Variants in CCDC85A observed in about 807,000 individuals in gnomAD.
The protein encoded by CCDC85A is coiled-coil domain containing 85A.
A neutral mutation model predicts 50.2 loss-of-function variants in CCDC85A; 38 were observed. The ratio of observed to expected loss-of-function variants is 0.76; its 90% CI spans 0.58 to 0.99. The LOEUF (loss-of-function observed/expected upper bound fraction) is 0.99, where lower values mean the gene tolerates loss of function less well. Ranked by LOEUF, CCDC85A falls within the 50% of genes least tolerant of loss-of-function variation. CCDC85A has a pLI of 0.00. For synonymous variants in CCDC85A, 366 were observed against 301.4 expected, an observed-to-expected ratio of 1.21 and a Z score of -2.22; for missense variants, 820 against 742.0, an observed-to-expected ratio of 1.11 and a Z score of -1.22.
chr2:56,208,295 A>G (rs1177445088), intron 2 of CCDC85A, among the ~76,000 whole-genome samples: 1 of 152,182 alleles, frequency 6.6e-6, no homozygotes, highest in African/African-American at 2.4e-5. Context: ...AAGAAACTAA[A>G]CTAAATTTCT....
chr2:56,215,787 C>T (rs1029386650), intron 2 of CCDC85A, among the ~76,000 whole-genome samples: 8 of 151,680 alleles, frequency 5.3e-5, no homozygotes, highest in Non-Finnish European at 7.4e-5. Context: ...TAGCTTGGGT[C>T]GGTAAATTAT....
chr2:56,296,003 A>G (rs1214531258), intron 2 of CCDC85A, among the ~76,000 whole-genome samples: 2 of 152,190 alleles, frequency 1.3e-5, no homozygotes, highest in Admixed American at 6.5e-5. Context: ...CGATAAAGAG[A>G]AAGGAGGCAG....
chr2:56,356,184 G>A (rs552634300), intron 3 of CCDC85A, among the ~76,000 whole-genome samples: 2 of 152,214 alleles, frequency 1.3e-5, no homozygotes, highest in African/African-American at 2.4e-5. Flanking sequence ...ATGATTGGTC[G>A]TTATGCTTTT....
At position 56,344,436 on chromosome 2, in the gene CCDC85A, C is replaced by T. The variant is rs1674531081; in HGVS notation, c.1317+1481C>T. Among the ~76,000 whole-genome samples, 3 of 152,098 alleles carry T rather than the reference C, an allele frequency of 2.0e-5. No individual in the cohort carries two copies. The South Asian group carries it at 6.2e-4, about 32-fold the overall frequency. Reference sequence around the variant, plus strand: ...TCCTCACACTACTCAAAACGGCCCACAATTTAAAACTTGTTTATTTCTGGA... The same window carrying T: ...TCCTCACACTACTCAAAACGGCCCATAATTTAAAACTTGTTTATTTCTGGA... On this transcript the variant is annotated intron_variant, in intron 3 of 5. Coordinates refer to ENST00000407595, the MANE Select transcript of CCDC85A (RefSeq NM_001080433.2).
intron 2 of CCDC85A, among the ~76,000 whole-genome samples, chr2:56,207,205 C>T (rs1369017486): frequency 1.3e-5 from 2 of 152,154 alleles, no homozygotes; most frequent in Non-Finnish European, 2.9e-5. Flanking sequence ...TATGTTCTAT[C>T]TAAATCTCAG....
chr2:56,228,064 C>G (rs1359413648), intron 2 of CCDC85A, among the ~76,000 whole-genome samples: 1 of 152,186 alleles, frequency 6.6e-6, no homozygotes, highest in Non-Finnish European at 1.5e-5. Context: ...CAGAGTAGAG[C>G]TGAAGACTAA....
intron 2 of CCDC85A, among the ~76,000 whole-genome samples, chr2:56,210,748 C>T (rs1677150163): frequency 6.6e-6 from 1 of 151,890 alleles, no homozygotes; most frequent in Non-Finnish European, 1.5e-5. Flanking sequence ...AGTCAGGGCT[C>T]CTACAGTGTG....
intron 4 of CCDC85A, among the ~76,000 whole-genome samples, chr2:56,374,699 C>T (rs1676248281): frequency 6.6e-6 from 1 of 152,286 alleles, no homozygotes; most frequent in East Asian, 1.9e-4. Context: ...GTCCCAGATA[C>T]TCAGGAGGCT....
At chr2:56,282,711 T>A (rs988378985) in intron 2 of CCDC85A, among the ~76,000 whole-genome samples, 1 of 152,230 alleles carries the variant, frequency 6.6e-6, no homozygotes, top group Non-Finnish European at 1.5e-5. Flanking sequence ...GGTTTCACCA[T>A]GTTGGCCAGG....
chr2:56,239,014 T>A (rs1669142891), intron 2 of CCDC85A, among the ~76,000 whole-genome samples: 1 of 152,188 alleles, frequency 6.6e-6, no homozygotes, highest in Non-Finnish European at 1.5e-5. Context: ...ATTGTTATAA[T>A]TAAGAATTTC....
intron 2 of CCDC85A, among the ~76,000 whole-genome samples, chr2:56,267,510 G>T (rs533064524): frequency 6.6e-6 from 1 of 152,264 alleles, no homozygotes; most frequent in South Asian, 2.1e-4. Context: ...ATTCAACATA[G>T]TACACAGGCC....
intron 2 of CCDC85A, among the ~76,000 whole-genome samples, chr2:56,196,754 G>A (rs1676536334): frequency 6.6e-6 from 1 of 152,042 alleles, no homozygotes; most frequent in Non-Finnish European, 1.5e-5. Context: ...CATAATGAAT[G>A]CAGAAGAAAA....
intron 2 of CCDC85A, among the ~76,000 whole-genome samples, chr2:56,206,841 C>A (rs1676982855): frequency 6.6e-6 from 1 of 152,092 alleles, no homozygotes; most frequent in Non-Finnish European, 1.5e-5. Context: ...TCCCTTTTCA[C>A]TTATTTTATT....
At chr2:56,189,531 T>A (rs1572998513) in intron 1 of CCDC85A, among the ~76,000 whole-genome samples, 1 of 152,104 alleles carries the variant, frequency 6.6e-6, no homozygotes, top group African/African-American at 2.4e-5. Context: ...CCTCAAGTGA[T>A]CTGCCCACCT....
chr2:56,381,361 G>A (rs904609379), intron 5 of CCDC85A, among the ~76,000 whole-genome samples: 4 of 152,202 alleles, frequency 2.6e-5, no homozygotes, highest in African/African-American at 9.6e-5. Context: ...TATGGAATGA[G>A]AGAGAAAGTT....
intron 2 of CCDC85A, among the ~76,000 whole-genome samples, chr2:56,257,737 G>T (rs1670045649): frequency 6.6e-6 from 1 of 152,186 alleles, no homozygotes; most frequent in Non-Finnish European, 1.5e-5. Flanking sequence ...AGATACTGAA[G>T]GCAGGGAGAT....
chr2:56,183,918 C>T (rs1433306746), upstream of CCDC85A: 2 of 985,302 alleles, frequency 2.0e-6, no homozygotes, highest in Admixed American at 6.1e-5. Flanking sequence ...CCAGCCCATG[C>T]GGGAGCTGCT....
Position 56,372,490 on chromosome 2 carries a change from T to C in CCDC85A, c.1452+12T>C. On this transcript the variant is annotated intron_variant, in intron 4 of 5. Coordinates refer to ENST00000407595, the MANE Select transcript of CCDC85A (RefSeq NM_001080433.2). ...TGCCTACTCTCCCGGTGAGTGAAGA[T>C]GAGTCAGCTGGATGCATTTGCTTGT... 1.3e-6 allele frequency: 2 copies of C among 1,578,676 alleles called. No individual in the cohort carries two copies. The highest frequency in any genetic ancestry group is 1.4e-5 in the African/African-American group (1 of 73,846).
chr2:56,361,171 G>A (rs895427726), intron 3 of CCDC85A, among the ~76,000 whole-genome samples: 12 of 151,982 alleles, frequency 7.9e-5, no homozygotes, highest in South Asian at 4.2e-4. Flanking sequence ...GGAGAATGGC[G>A]CGAACCCAGG....
Sources: gnomAD v4.1 joint callset for allele counts (sites outside exome capture counted in the v4.1 genomes callset) on GRCh38, gnomAD v4.1.1 for gene constraint, MANE v1.5 for transcripts, NCBI Gene and HGNC (gene_info 2026-07-23, HGNC 2026-07-21) for gene names.